The following RIMS2 variants were observed in gnomAD, a reference collection of about 807,000 sequenced individuals.
The protein encoded by RIMS2 is regulating synaptic membrane exocytosis protein 2.
RIMS2 carries 59 observed loss-of-function variants against 174.4 expected under a neutral mutation model. That is an observed-to-expected ratio of 0.34 (90% CI 0.27 to 0.42). RIMS2 has a LOEUF of 0.42. RIMS2 is among the 10% of genes least tolerant of loss of function. The pLI, the probability that RIMS2 is intolerant of heterozygous loss-of-function variation, is 1.00. For missense variants in RIMS2, 1,620 were observed against 1,666.3 expected (o/e 0.97, Z 0.48); for synonymous variants, 606 against 572.5 (o/e 1.06, Z -0.84).
intron 1 of RIMS2, among the ~76,000 whole-genome samples, chr8:103,618,038 A>G (rs2095546556): frequency 6.6e-6 from 1 of 152,152 alleles, no homozygotes; most frequent in Non-Finnish European, 1.5e-5. Flanking sequence ...CAGGTATGCA[A>G]ATGTTCATTG....
intron 19 of RIMS2, among the ~76,000 whole-genome samples, chr8:104,104,917 T>C (rs2098010790): frequency 6.6e-6 from 1 of 150,874 alleles, no homozygotes; most frequent in Non-Finnish European, 1.5e-5. Context: ...GTTTTTGAAA[T>C]GTAAGATTTT....
chr8:103,739,575 G>A (rs1037802828), intron 2 of RIMS2, among the ~76,000 whole-genome samples: 1 of 152,106 alleles, frequency 6.6e-6, no homozygotes. Flanking sequence ...TTTAAAAATT[G>A]TGTCAGGCAT....
chr8:103,975,268 T>C, intron 15 of RIMS2, 82 bp from the exon 18 acceptor site: 2 of 810,996 alleles, frequency 2.5e-6, no homozygotes, highest in Non-Finnish European at 3.8e-6. Context: ...TTCACCAACA[T>C]TTTGTTTTTG....
chr8:103,967,574 C>T (rs755293270), intron 15 of RIMS2, among the ~76,000 whole-genome samples: 10 of 151,504 alleles, frequency 6.6e-5, no homozygotes, highest in Non-Finnish European at 1.2e-4. Flanking sequence ...CTCACTGCAA[C>T]CTCTGCATCT....
At chr8:104,114,717 G>A (rs1302029799) in intron 19 of RIMS2, among the ~76,000 whole-genome samples, 1 of 151,482 alleles carries the variant, frequency 6.6e-6, no homozygotes, top group Non-Finnish European at 1.5e-5. Flanking sequence ...TTGTATTGAT[G>A]GATTAGATAT....
In RIMS2 at chr8:103,766,544, A is replaced by G. The variant is rs754242373; in HGVS notation, c.698+7A>G. On this transcript the variant is annotated splice_region_variant and intron_variant, in intron 3 of 23. Coordinates refer to ENST00000504942, the Ensembl canonical transcript of RIMS2. ...GTGACATAGCTTCAGACAGGTAAAC[A>G]TTTTGTTTAATCTTTAGGCAAATGT... 8.2e-6 allele frequency: 13 copies of G among 1,587,226 alleles called. 1 individual carries two copies. In the Admixed American group the frequency reaches 1.1e-4, roughly 13 times the overall value.
intron 3 of RIMS2, among the ~76,000 whole-genome samples, chr8:103,814,890 T>C (rs1274345338): frequency 6.6e-6 from 1 of 152,136 alleles, no homozygotes; most frequent in African/African-American, 2.4e-5. Context: ...GGAGAAACCA[T>C]TGCTAATGAT....
intron 2 of RIMS2, among the ~76,000 whole-genome samples, chr8:103,706,272 A>G (rs1337621433): frequency 1.3e-5 from 2 of 152,060 alleles, no homozygotes; most frequent in African/African-American, 2.4e-5. Flanking sequence ...CCTTTCTTTC[A>G]ACAGATTGTT....
At chr8:103,789,803 G>T (rs371759921) in intron 3 of RIMS2, among the ~76,000 whole-genome samples, 8 of 140,554 alleles carry the variant, frequency 5.7e-5, no homozygotes, top group African/African-American at 2.1e-4. Flanking sequence ...GCCCAGGCTG[G>T]AGGACGGTAG....
At chr8:103,502,942 A>G (rs868754530) in intron 1 of RIMS2, among the ~76,000 whole-genome samples, 1 of 152,088 alleles carries the variant, frequency 6.6e-6, no homozygotes, top group Middle Eastern at 3.4e-3. Flanking sequence ...TGTTAGGAAG[A>G]TGTTGTAAAA....
intron 1 of RIMS2, among the ~76,000 whole-genome samples, chr8:103,579,789 T>C (rs752607947): frequency 7.9e-5 from 12 of 152,214 alleles, no homozygotes; most frequent in Non-Finnish European, 1.8e-4. Flanking sequence ...TTATGAATAA[T>C]GACTCACAGT....
chr8:103,524,465 G>A (rs62527068), intron 1 of RIMS2, among the ~76,000 whole-genome samples: 7,733 of 152,214 alleles, frequency 0.051, 277 homozygotes, highest in Middle Eastern at 0.078. Flanking sequence ...GGAATCAATT[G>A]CCAAAAGTCC....
At chr8:103,553,496 A>G (rs147885343) in intron 1 of RIMS2, among the ~76,000 whole-genome samples, 8,206 of 152,224 alleles carry the variant, frequency 0.054, 315 homozygotes, top group Non-Finnish European at 0.078. Flanking sequence ...TACCTAATGT[A>G]AATGACGAGT....
At chr8:104,045,388 T>C (rs2096675495) in intron 19 of RIMS2, among the ~76,000 whole-genome samples, 1 of 151,902 alleles carries the variant, frequency 6.6e-6, no homozygotes, top group Non-Finnish European at 1.5e-5. Flanking sequence ...GCATGCTTTA[T>C]TAGGGTGTAT....
At chr8:103,866,561 T>G (rs193249770) in intron 3 of RIMS2, among the ~76,000 whole-genome samples, 122 of 152,254 alleles carry the variant, frequency 8.0e-4, no homozygotes, top group African/African-American at 2.8e-3. Flanking sequence ...CAGTCATTTC[T>G]CTTCAGAGAC....
chr8:103,812,836 A>G (rs2098697385), intron 3 of RIMS2, among the ~76,000 whole-genome samples: 1 of 152,142 alleles, frequency 6.6e-6, no homozygotes, highest in African/African-American at 2.4e-5. Context: ...GAGTACTTTA[A>G]TTTGCAAAAT....
chr8:104,169,604 C>T (rs1397480082), intron 19 of RIMS2, among the ~76,000 whole-genome samples: 1 of 151,678 alleles, frequency 6.6e-6, no homozygotes, highest in Non-Finnish European at 1.5e-5. Context: ...AATGGTCTAT[C>T]AATTTTATCT....
intron 19 of RIMS2, among the ~76,000 whole-genome samples, chr8:104,158,562 A>G (rs1034143197): frequency 2.0e-5 from 3 of 152,020 alleles, no homozygotes; most frequent in African/African-American, 7.2e-5. Flanking sequence ...AGCATCTGAT[A>G]TTTCCTGACT....
chr8:103,886,552 A>C (rs1229901249), intron 4 of RIMS2, among the ~76,000 whole-genome samples: 1 of 151,864 alleles, frequency 6.6e-6, no homozygotes, highest in East Asian at 1.9e-4. Flanking sequence ...TTGTCTCCTT[A>C]TAAAAGTAAC....
Sources: gnomAD v4.1 joint callset for allele counts (sites outside exome capture counted in the v4.1 genomes callset) on GRCh38, gnomAD v4.1.1 for gene constraint, MANE v1.5 for transcripts, NCBI Gene and HGNC (gene_info 2026-07-23, HGNC 2026-07-21) for gene names.